NPAS3: variants seen among roughly 807,000 people sequenced by gnomAD.
The protein encoded by NPAS3 is neuronal PAS domain protein 3.
NPAS3 carries 14 observed loss-of-function variants against 73.1 expected under a neutral mutation model. That is an observed-to-expected ratio of 0.19 (90% CI 0.13 to 0.30). The LOEUF is 0.30. NPAS3 is among the 10% of genes least tolerant of loss of function. NPAS3 has a pLI of 1.00. For synonymous variants in NPAS3, 620 were observed against 541.5 expected, an observed-to-expected ratio of 1.14 and a Z score of -2.01; for missense variants, 1,096 against 1,250.0, an observed-to-expected ratio of 0.88 and a Z score of 1.86.
At chr14:33,240,802 C>T (rs1478141762) in intron 3 of NPAS3, among the ~76,000 whole-genome samples, 1 of 151,892 alleles carries the variant, frequency 6.6e-6, no homozygotes, top group Non-Finnish European at 1.5e-5. Flanking sequence ...TACTCTGTTA[C>T]AGCCTTTTAA....
intron 9 of NPAS3, among the ~76,000 whole-genome samples, chr14:33,779,418 T>C (rs1451741309): frequency 6.6e-6 from 1 of 152,192 alleles, no homozygotes; most frequent in Non-Finnish European, 1.5e-5. Flanking sequence ...CAGGAGATTC[T>C]TCCTGAAGAT....
intron 2 of NPAS3, among the ~76,000 whole-genome samples, chr14:33,125,745 CTAGAAG>C (rs2139069849): frequency 2.0e-5 from 3 of 152,084 alleles, no homozygotes; most frequent in Admixed American, 2.0e-4. Context: ...ATGGGAACAA[CTAGAAG>C]TAGGAGTTAG....
chr14:33,234,157 T>C (rs2047949644), intron 3 of NPAS3, among the ~76,000 whole-genome samples: 1 of 152,180 alleles, frequency 6.6e-6, no homozygotes, highest in East Asian at 1.9e-4. Context: ...CCCAAAATTT[T>C]GTCTGGTGGC....
chr14:33,311,675 CAT>C (rs2043008097), intron 3 of NPAS3, among the ~76,000 whole-genome samples: 1 of 152,240 alleles, frequency 6.6e-6, no homozygotes, highest in South Asian at 2.1e-4. Context: ...GAGTATTTAT[CAT>C]AGAGCTGTAC....
At chr14:33,784,729 ATTTATTTATTTATTTATTTT>A (rs1296136695) in intron 9 of NPAS3, among the ~76,000 whole-genome samples, 2 of 90,206 alleles carry the variant, frequency 2.2e-5, no homozygotes, top group African/African-American at 5.6e-5. Flanking sequence ...ATTTTTATTT[ATTTATTTATTTATTTATTTT>A]TTTTTTTTTT....
chr14:33,489,851 G>A (rs548079795), intron 4 of NPAS3, among the ~76,000 whole-genome samples: 1 of 152,142 alleles, frequency 6.6e-6, no homozygotes, highest in African/African-American at 2.4e-5. Flanking sequence ...GATTCAAACA[G>A]AACATGTAGG....
intron 3 of NPAS3, among the ~76,000 whole-genome samples, chr14:33,340,143 A>T (rs2044403386): frequency 6.6e-6 from 1 of 152,224 alleles, no homozygotes; most frequent in Non-Finnish European, 1.5e-5. Context: ...GTGAGCTTAT[A>T]TCAGAATAGT....
At chr14:33,297,598 A>G (rs1338129770) in intron 3 of NPAS3, among the ~76,000 whole-genome samples, 1 of 152,226 alleles carries the variant, frequency 6.6e-6, no homozygotes, top group Admixed American at 6.5e-5. Context: ...GGCAAATATA[A>G]AATAAAAAAT....
intron 2 of NPAS3, among the ~76,000 whole-genome samples, chr14:33,123,024 C>T (rs574180628): frequency 4.9e-4 from 75 of 152,014 alleles, no homozygotes; most frequent in African/African-American, 1.7e-3. Flanking sequence ...TATTAAAAAC[C>T]TGGGAAATAC....
At chr14:33,637,997 C>T (rs555636826) in intron 5 of NPAS3, among the ~76,000 whole-genome samples, 4 of 152,188 alleles carry the variant, frequency 2.6e-5, no homozygotes, top group South Asian at 2.1e-4. Context: ...CTGTGAGTTC[C>T]GGTAGGGTTA....
rs1385001281 is a variant in NPAS3, at chr14:33,784,749, T to TA, written c.1153+6177_1153+6178insA. Among the ~76,000 whole-genome samples the TA allele has an allele frequency of 1.3e-4, 6 of 47,800 alleles. No homozygotes were observed. In the East Asian group the frequency reaches 1.9e-3, roughly 15 times the overall value. The allele number at this position is 47,800 out of a possible 152,430, so 31.4% of individuals were successfully genotyped here. A position where few individuals can be genotyped will look rare whatever the true frequency, so the allele number is the denominator to read the frequency against. On this transcript the variant is annotated intron_variant, in intron 9 of 11. Coordinates refer to ENST00000356141, the Ensembl canonical transcript of NPAS3. ...TATTTATTTATTTATTTATTTATTT[T>TA]TTTTTTTTTTTTTTTTTTGAGACAG...
chr14:33,336,460 G>T (rs1464241173), intron 3 of NPAS3, among the ~76,000 whole-genome samples: 1 of 152,166 alleles, frequency 6.6e-6, no homozygotes, highest in Non-Finnish European at 1.5e-5. Context: ...CACCCTAGAG[G>T]GGTCCTTGCC....
At chr14:33,574,820 G>T (rs1567019987) in intron 5 of NPAS3, among the ~76,000 whole-genome samples, 1 of 152,180 alleles carries the variant, frequency 6.6e-6, no homozygotes, top group East Asian at 1.9e-4. Context: ...CTGCTGAGAA[G>T]TGGGGGAATG....
intron 5 of NPAS3, among the ~76,000 whole-genome samples, chr14:33,572,148 A>G (rs952719138): frequency 3.3e-5 from 5 of 152,196 alleles, no homozygotes; most frequent in Admixed American, 6.5e-5. Flanking sequence ...TACACAGAAA[A>G]TATATAAAAT....
At chr14:33,043,793 G>C (rs960864095) in intron 1 of NPAS3, among the ~76,000 whole-genome samples, 2 of 151,262 alleles carry the variant, frequency 1.3e-5, no homozygotes, top group Non-Finnish European at 2.9e-5. Context: ...AAAATGTATT[G>C]TTAGTCCACA....
chr14:33,124,033 T>C (rs571652160), intron 2 of NPAS3, among the ~76,000 whole-genome samples: 204 of 151,948 alleles, frequency 1.3e-3, no homozygotes, highest in African/African-American at 4.7e-3. Context: ...GCTTATTTTT[T>C]TGTAGAGACA....
chr14:33,591,534 A>G (rs934871938), intron 5 of NPAS3, among the ~76,000 whole-genome samples: 10 of 152,164 alleles, frequency 6.6e-5, no homozygotes, highest in African/African-American at 1.9e-4. Flanking sequence ...AAGTGAGCAA[A>G]AGCAAAGCAG....
At chr14:33,790,805 A>T (rs1027909222) in intron 9 of NPAS3, among the ~76,000 whole-genome samples, 2 of 152,094 alleles carry the variant, frequency 1.3e-5, no homozygotes, top group African/African-American at 2.4e-5. Flanking sequence ...CACAGCTGGG[A>T]TTACAAGTGC....
intron 3 of NPAS3, among the ~76,000 whole-genome samples, chr14:33,323,429 CCAAT>C (rs2043548629): frequency 6.6e-6 from 1 of 152,160 alleles, no homozygotes; most frequent in Non-Finnish European, 1.5e-5. Flanking sequence ...CTGAGATATT[CCAAT>C]CAGTCATTCC....
Sources: allele counts gnomAD v4.1 joint callset (sites outside exome capture counted in the v4.1 genomes callset), GRCh38; gene constraint gnomAD v4.1.1; transcripts MANE v1.5; gene names NCBI Gene and HGNC (gene_info 2026-07-23, HGNC 2026-07-21).